Variants in KLF12 observed in about 807,000 individuals in gnomAD.
KLF12 encodes the protein KLF transcription factor 12.
Under a neutral mutation model 37.8 loss-of-function variants are expected in KLF12, and 9 were observed. The ratio of observed to expected loss-of-function variants is 0.24; its 90% CI spans 0.14 to 0.42. The LOEUF is 0.42. Ranked by LOEUF, KLF12 falls within the 10% of genes least tolerant of loss-of-function variation. The probability of loss-of-function intolerance (pLI) is 1.00; values close to 1 mark genes in which losing one functional copy is unlikely to be tolerated. For missense variants in KLF12, 411 were observed against 516.0 expected (o/e 0.80, Z 1.97); for synonymous variants, 208 against 202.1 (o/e 1.03, Z -0.25).
chr13:74,079,083 G>A (rs1344340088), intron 1 of KLF12, among the ~76,000 whole-genome samples: 1 of 152,084 alleles, frequency 6.6e-6, no homozygotes, highest in African/African-American at 2.4e-5. Context: ...CTATCAAAGA[G>A]ACATTTTTCA....
intron 1 of KLF12, among the ~76,000 whole-genome samples, chr13:74,049,669 G>C (rs74095987): frequency 0.024 from 3,718 of 152,212 alleles, 147 homozygotes; most frequent in African/African-American, 0.085. Flanking sequence ...CTGAAAACAG[G>C]AGCAAAATAA....
intron 4 of KLF12, among the ~76,000 whole-genome samples, chr13:73,832,117 A>G (rs778848473): frequency 4.6e-5 from 7 of 152,336 alleles, no homozygotes; most frequent in Non-Finnish European, 8.8e-5. Context: ...TGTAATGTAG[A>G]CAACATATTT....
chr13:74,059,073 G>A (rs1197854937), intron 1 of KLF12, among the ~76,000 whole-genome samples: 2 of 152,306 alleles, frequency 1.3e-5, no homozygotes, highest in East Asian at 1.9e-4. Context: ...TTTCACTTAG[G>A]ATAGTGGCCT....
intron 2 of KLF12, among the ~76,000 whole-genome samples, chr13:73,991,641 G>A (rs903640185): frequency 2.6e-5 from 4 of 152,220 alleles, no homozygotes; most frequent in African/African-American, 9.6e-5. Flanking sequence ...TGGGGTTCCA[G>A]ATCAAACAGA....
the KLF12 span, among the ~76,000 whole-genome samples, chr13:74,158,829 C>T: frequency 1.3e-5 from 2 of 152,078 alleles, no homozygotes; most frequent in Non-Finnish European, 2.9e-5. Flanking sequence ...AATGAGTGTT[C>T]ACTGAATGAC....
the KLF12 span, among the ~76,000 whole-genome samples, chr13:74,153,773 G>A: frequency 1.3e-5 from 2 of 152,172 alleles, no homozygotes; most frequent in Non-Finnish European, 2.9e-5. Flanking sequence ...TCTAGGATCT[G>A]CTGAATCTAT....
At chr13:73,825,864 C>T (rs1425921271) in intron 4 of KLF12, among the ~76,000 whole-genome samples, 1 of 152,194 alleles carries the variant, frequency 6.6e-6, no homozygotes. Flanking sequence ...TCCAGGGTGT[C>T]TCATTACACC....
intron 5 of KLF12, among the ~76,000 whole-genome samples, chr13:73,810,779 A>G (rs1417721671): frequency 6.6e-6 from 1 of 152,092 alleles, no homozygotes; most frequent in Non-Finnish European, 1.5e-5. Flanking sequence ...ACAGATGAGA[A>G]CACAGACTCC....
At chr13:74,044,802 G>A (rs1479472201) in intron 1 of KLF12, among the ~76,000 whole-genome samples, 3 of 150,838 alleles carry the variant, frequency 2.0e-5, no homozygotes, top group Admixed American at 6.6e-5. Flanking sequence ...CCAAGATCAC[G>A]CCACTGCACT....
At chr13:74,250,710 TC>T in the KLF12 span, among the ~76,000 whole-genome samples, 1 of 151,766 alleles carries the variant, frequency 6.6e-6, no homozygotes, top group African/African-American at 2.4e-5. Flanking sequence ...CAAAAAAAGA[TC>T]AAGGCTGTTT....
At chr13:74,292,422 C>T in the KLF12 span, among the ~76,000 whole-genome samples, 2 of 151,256 alleles carry the variant, frequency 1.3e-5, no homozygotes, top group African/African-American at 4.9e-5. Context: ...AGCATAGTGC[C>T]TATCTCAGTA....
At chr13:73,752,892 A>C (rs553532419) in intron 6 of KLF12, among the ~76,000 whole-genome samples, 2 of 151,384 alleles carry the variant, frequency 1.3e-5, no homozygotes, top group Non-Finnish European at 2.9e-5. Flanking sequence ...ATTTTTTTGT[A>C]AAAAATACAA....
chr13:73,982,254 C>CAATA (rs1891706331), intron 2 of KLF12, among the ~76,000 whole-genome samples: 2 of 152,056 alleles, frequency 1.3e-5, no homozygotes, highest in Admixed American at 1.3e-4. Flanking sequence ...ACTTAATTTG[C>CAATA]AATACAAAAA....
At chr13:74,218,889 A>T in the KLF12 span, among the ~76,000 whole-genome samples, 1 of 152,054 alleles carries the variant, frequency 6.6e-6, no homozygotes, top group East Asian at 1.9e-4. Flanking sequence ...ATCCCCTTAT[A>T]CCACACCCCA....
At chr13:74,157,744 A>AT in the KLF12 span, among the ~76,000 whole-genome samples, 1 of 152,144 alleles carries the variant, frequency 6.6e-6, no homozygotes, top group South Asian at 2.1e-4. Flanking sequence ...AGATTGGCCA[A>AT]TTTTTTGGGT....
the KLF12 span, among the ~76,000 whole-genome samples, chr13:74,160,399 CA>C: frequency 6.6e-6 from 1 of 152,092 alleles, no homozygotes; most frequent in Non-Finnish European, 1.5e-5. Context: ...TGAAAATAAA[CA>C]AATGGATATA....
the KLF12 span, among the ~76,000 whole-genome samples, chr13:74,233,368 G>T: frequency 6.6e-6 from 1 of 152,022 alleles, no homozygotes. Flanking sequence ...GCATACCTGT[G>T]GTGGGAAACT....
intron 3 of KLF12, among the ~76,000 whole-genome samples, chr13:73,935,387 A>G (rs529334347): frequency 2.0e-5 from 3 of 152,308 alleles, no homozygotes; most frequent in Non-Finnish European, 4.4e-5. Flanking sequence ...TTTTAAATAC[A>G]GTATGATATG....
At chr13:73,996,458 G>T (rs1262358401) in intron 1 of KLF12, among the ~76,000 whole-genome samples, 2 of 152,176 alleles carry the variant, frequency 1.3e-5, no homozygotes, top group South Asian at 4.1e-4. Context: ...TTCAATCAAG[G>T]TACATCAAAA....
Sources: allele counts gnomAD v4.1 joint callset (sites outside exome capture counted in the v4.1 genomes callset), GRCh38; gene constraint gnomAD v4.1.1; transcripts MANE v1.5; gene names NCBI Gene and HGNC (gene_info 2026-07-23, HGNC 2026-07-21).